Variants in SCN7A observed in about 807,000 individuals in gnomAD.
The protein encoded by SCN7A is sodium channel protein type 7 subunit alpha.
In SCN7A, 138 loss-of-function variants were observed where a neutral mutation model predicts 155.2. The observed-to-expected ratio is 0.89, with a 90% CI of 0.77 to 1.02. SCN7A has a LOEUF of 1.02. Ranked by LOEUF, SCN7A falls within the 50% of genes least tolerant of loss-of-function variation. The pLI, the probability that SCN7A is intolerant of heterozygous loss-of-function variation, is 0.00. For synonymous variants in SCN7A, 693 were observed against 649.0 expected, an observed-to-expected ratio of 1.07 and a Z score of -1.03; for missense variants, 2,058 against 1,986.6, an observed-to-expected ratio of 1.04 and a Z score of -0.68.
intron 1 of SCN7A, among the ~76,000 whole-genome samples, chr2:166,491,919 C>T (rs1683119030): frequency 6.6e-6 from 1 of 152,010 alleles, no homozygotes. Context: ...GATGGTGAGT[C>T]AATCTCTGAA....
rs771775898 is a variant in SCN7A at position 166,441,586 on chromosome 2, A to C, written c.1967T>G (p.Phe656Cys). ...MKLFGKNYEE[F>C]VCHIDKDCQL... ...ACAGTCTTTGTCTATGTGGCAGACA[A>C]ATTCTTCATAATTCTTACCAAACAG... The change falls in exon 15 of 26, where the codon TTT (phenylalanine) becomes TGT (cysteine). Residue 656 changes from phenylalanine (F) to cysteine (C), a missense_variant. Physicochemically the swap from Phe to Cys is radical, Grantham distance 205. Transcript: ENST00000643258. 1.9e-6 allele frequency: 3 copies of C among 1,613,962 alleles called. No homozygotes were observed. The highest frequency in any genetic ancestry group is 2.5e-6 in the Non-Finnish European group (3 of 1,179,884).
intron 13 of SCN7A, 130 bp from the exon 14 acceptor site, chr2:166,443,806 T>A: frequency 3.0e-6 from 2 of 671,842 alleles, no homozygotes; most frequent in South Asian, 4.2e-5. Context: ...TCTGTCAATA[T>A]CTGGTTAGTT....
chr2:166,424,271 A>G (rs915923770), intron 18 of SCN7A, among the ~76,000 whole-genome samples: 8 of 152,124 alleles, frequency 5.3e-5, no homozygotes, highest in Non-Finnish European at 8.8e-5. Flanking sequence ...TTATTTTTCA[A>G]TTATTCAGGT....
intron 3 of SCN7A, among the ~76,000 whole-genome samples, chr2:166,476,882 T>C (rs945005924): frequency 2.0e-5 from 3 of 152,094 alleles, no homozygotes; most frequent in Non-Finnish European, 2.9e-5. Flanking sequence ...TTAATGATTC[T>C]TTCAGCTTCA....
intron 6 of SCN7A, 69 bp downstream of exon 6, chr2:166,472,248 A>G: frequency 6.9e-7 from 1 of 1,450,202 alleles, no homozygotes; most frequent in South Asian, 1.4e-5. Context: ...TGCAGACGTC[A>G]ATTATTTTTT....
At chr2:166,438,578 G>T (rs979794566) in intron 15 of SCN7A, among the ~76,000 whole-genome samples, 3 of 152,036 alleles carry the variant, frequency 2.0e-5, no homozygotes, top group African/African-American at 7.2e-5. Context: ...TCTGCTTAAG[G>T]CTTAATATCA....
rs761441902 is a variant in SCN7A, at chr2:166,423,284, TA to T, written c.3001del (p.Tyr1001ThrfsTer15). The T allele has an allele frequency of 6.2e-7, 1 of 1,608,720 alleles. No homozygotes were observed. The highest frequency in any genetic ancestry group is 1.1e-5 in the South Asian group (1 of 89,642). ...AATAACAACCACGAAGTCCAGCCTG[TA>T]CCAGCCATTAGAGAAATAGGCCTTA... Reference protein sequence around the residue: ...GFKAYFSNGWYRLDFVVVIVF... With the variant: ...GFKAYFSNGWXRLDFVVVIVF... On this transcript the variant is annotated frameshift_variant, in exon 19 of 26. Coordinates refer to ENST00000643258, the MANE Select transcript of SCN7A (RefSeq NM_002976.4). LOFTEE classifies it high-confidence loss of function.
intron 20 of SCN7A, among the ~76,000 whole-genome samples, chr2:166,420,378 A>G (rs1443379258): frequency 6.6e-6 from 1 of 152,110 alleles, no homozygotes; most frequent in Non-Finnish European, 1.5e-5. Flanking sequence ...ACTGATATGA[A>G]AAAAATCTAT....
At chr2:166,461,048 C>CTTTTT (rs34717897) in intron 10 of SCN7A, among the ~76,000 whole-genome samples, 7 of 96,676 alleles carry the variant, frequency 7.2e-5, no homozygotes, top group Admixed American at 1.2e-4. Context: ...GTAATATTTT[C>CTTTTT]TTTTTTTTTT....
At chr2:166,428,680 T>C (rs559846097) in intron 17 of SCN7A, among the ~76,000 whole-genome samples, 3 of 152,172 alleles carry the variant, frequency 2.0e-5, no homozygotes, top group East Asian at 3.9e-4. Context: ...AATTATACTA[T>C]GAGTAGTATT....
At chr2:166,423,065 G>T (rs951252907) in intron 19 of SCN7A, among the ~76,000 whole-genome samples, 194 bp downstream of exon 19, 6 of 151,986 alleles carry the variant, frequency 3.9e-5, no homozygotes, top group African/African-American at 1.4e-4. Flanking sequence ...GGAACAAAGT[G>T]TTGAACTTTT....
intron 23 of SCN7A, among the ~76,000 whole-genome samples, chr2:166,411,747 C>T (rs111795980): frequency 2.6e-5 from 4 of 152,122 alleles, no homozygotes; most frequent in South Asian, 4.1e-4. Context: ...TACTACCCTG[C>T]GGTTTCAGGC....
intron 21 of SCN7A, among the ~76,000 whole-genome samples, chr2:166,414,182 T>C (rs1357639892): frequency 5.8e-5 from 3 of 51,512 alleles, no homozygotes; most frequent in Admixed American, 5.8e-4. Flanking sequence ...TATGTAAATA[T>C]ATATAATATA....
At position 166,406,617 on chromosome 2, in the gene SCN7A, A is replaced by T; in HGVS notation, c.4012T>A (p.Tyr1338Asn). Residue 1338 changes from tyrosine (Y) to asparagine (N), a missense_variant, in exon 26 of 26, where the codon TAC becomes AAC. By Grantham distance (143) the Tyr-to-Asn change is moderately radical. Coordinates refer to ENST00000643258, the MANE Select transcript of SCN7A (RefSeq NM_002976.4). ...TGCACAAGTGAAGGAGGCACAAGGT[A>T]GGATCCTACTGTCATAGGCAGACAT... Reference protein sequence around the residue: ...GLCLPMTVGSYLVPPSLVQLI... With the variant: ...GLCLPMTVGSNLVPPSLVQLI... 6.2e-7 allele frequency: 1 copy of T among 1,610,660 alleles called. No individual in the cohort carries two copies.
chr2:166,448,472 G>T (rs1702112243), intron 11 of SCN7A, among the ~76,000 whole-genome samples: 1 of 152,086 alleles, frequency 6.6e-6, no homozygotes, highest in African/African-American at 2.4e-5. Flanking sequence ...TACATACCCT[G>T]CAGTGGGATC....
chr2:166,466,804 T>C (rs974205119), intron 7 of SCN7A, among the ~76,000 whole-genome samples: 16 of 152,054 alleles, frequency 1.1e-4, no homozygotes, highest in African/African-American at 3.9e-4. Flanking sequence ...ACTATGCAAG[T>C]AGTCAACATT....
chr2:166,469,260 A>G (rs1420907420), intron 7 of SCN7A, among the ~76,000 whole-genome samples: 1 of 151,374 alleles, frequency 6.6e-6, no homozygotes, highest in African/African-American at 2.4e-5. Context: ...TGCTTGTTTG[A>G]TGCACTTATA....
intron 15 of SCN7A, 67 bp from the exon 16 acceptor site, chr2:166,432,819 T>A: frequency 1.7e-6 from 2 of 1,208,998 alleles, no homozygotes; most frequent in Non-Finnish European, 2.2e-6. Context: ...ATGAAAAGTT[T>A]GTTTACAAAA....
chr2:166,492,292 C>A (rs1683131287), intron 1 of SCN7A, among the ~76,000 whole-genome samples: 1 of 152,082 alleles, frequency 6.6e-6, no homozygotes, highest in African/African-American at 2.4e-5. Context: ...TTAAACATAT[C>A]CATGGGAAAG....
Sources: allele counts gnomAD v4.1 joint callset (sites outside exome capture counted in the v4.1 genomes callset), GRCh38; gene constraint gnomAD v4.1.1; transcripts MANE v1.5; gene names NCBI Gene and HGNC (gene_info 2026-07-23, HGNC 2026-07-21).